Variants in KDM2B observed in about 807,000 individuals in gnomAD.
KDM2B encodes lysine-specific demethylase 2B.
A neutral mutation model predicts 150.0 loss-of-function variants in KDM2B; 26 were observed. The ratio of observed to expected loss-of-function variants is 0.17; its 90% CI spans 0.13 to 0.24. The LOEUF (loss-of-function observed/expected upper bound fraction) is 0.24. Ranked by LOEUF, KDM2B falls within the 10% of genes least tolerant of loss-of-function variation. The pLI is 1.00. For missense variants in KDM2B, 1,265 were observed against 1,816.9 expected (o/e 0.70, Z 5.52); for synonymous variants, 734 against 729.5 (o/e 1.01, Z -0.10).
chr12:121,466,153 C>A (rs1879879751), intron 12 of KDM2B, among the ~76,000 whole-genome samples: 1 of 152,070 alleles, frequency 6.6e-6, no homozygotes, highest in South Asian at 2.1e-4. Flanking sequence ...AAAAAAGTTA[C>A]CACATTTTGG....
At chr12:121,459,915 A>G (rs1458344195) in intron 12 of KDM2B, among the ~76,000 whole-genome samples, 1 of 152,204 alleles carries the variant, frequency 6.6e-6, no homozygotes, top group Non-Finnish European at 1.5e-5. Flanking sequence ...TTTGTAAATC[A>G]TGTATCTAGC....
At chr12:121,486,486 A>G (rs1385998997) in intron 12 of KDM2B, among the ~76,000 whole-genome samples, 1 of 151,402 alleles carries the variant, frequency 6.6e-6, no homozygotes, top group African/African-American at 2.4e-5. Context: ...GCATTTTACC[A>G]TAATTAATAA....
intron 19 of KDM2B, 76 bp from the exon 20 acceptor site, chr12:121,441,309 TC>T: frequency 7.2e-7 from 1 of 1,392,040 alleles, no homozygotes; most frequent in Non-Finnish European, 9.9e-7. Context: ...CTCTTAACTG[TC>T]CCCACCTAAC....
intron 12 of KDM2B, among the ~76,000 whole-genome samples, chr12:121,478,084 T>C (rs1881591679): frequency 6.6e-6 from 1 of 151,788 alleles, no homozygotes; most frequent in Non-Finnish European, 1.5e-5. Context: ...GTTCTCTCCA[T>C]GTTGCCCAGG....
intron 13 of KDM2B, among the ~76,000 whole-genome samples, chr12:121,451,127 C>T (rs541263444): frequency 6.6e-6 from 1 of 152,022 alleles, no homozygotes; most frequent in Non-Finnish European, 1.5e-5. Flanking sequence ...TCTACCTCCT[C>T]CATCTCTTCT....
Position 121,529,186 on chromosome 12 carries a change from G to A in KDM2B, c.931+3620C>T, listed in dbSNP as rs987637219. On this transcript the variant is annotated intron_variant, in intron 8 of 22. Coordinates refer to ENST00000377071, the MANE Select transcript of KDM2B (RefSeq NM_032590.5). Reference sequence around the variant, plus strand: ...AGGGATGGTTTAACATACACATGTCGATAAATGTGATACACCACGTAAACA... The same window carrying A: ...AGGGATGGTTTAACATACACATGTCAATAAATGTGATACACCACGTAAACA... Among the ~76,000 whole-genome samples the A allele has an allele frequency of 8.5e-5, 13 of 152,140 alleles. No homozygotes were observed. In the East Asian group the frequency reaches 9.6e-4, roughly 11 times the overall value.
In KDM2B at chr12:121,442,484, C is replaced by T. The variant is rs782059992; in HGVS notation, c.2957G>A (p.Arg986Gln). The part of the protein sequence containing the change: ...EPESEGEEPK[R>Q]PPGICERPHR... ...GGGACGCTCGCAGATGCCCGGGGGCCGCTTGGGCTCCTCGCCCTCGCTCTC... is the reference window on the plus strand; with the variant it reads ...GGGACGCTCGCAGATGCCCGGGGGCTGCTTGGGCTCCTCGCCCTCGCTCTC... Residue 986 changes from arginine (R) to glutamine (Q), a missense_variant, in exon 19 of 23, where the codon CGG (arginine) becomes CAG (glutamine). Coordinates refer to ENST00000377071, the MANE Select transcript of KDM2B (RefSeq NM_032590.5). This position sits in a 1 kb window ranked among gnomAD's most constrained non-coding sequence, Gnocchi z 7.7. The T allele has an allele frequency of 2.9e-5, 46 of 1,599,612 alleles. No individual in the cohort carries two copies. Among genetic ancestry groups the T allele is most frequent in the Non-Finnish European group, 3.6e-5 (42 of 1,179,816 alleles).
chr12:121,435,779 A>G (rs566295737), intron 22 of KDM2B, among the ~76,000 whole-genome samples: 47 of 152,178 alleles, frequency 3.1e-4, no homozygotes, highest in Non-Finnish European at 5.4e-4. Flanking sequence ...TCTTTCTGGC[A>G]ATCCTGACCA....
Position 121,573,595 on chromosome 12 carries a change from T to G in KDM2B, c.397+952A>C, listed in dbSNP as rs1483405359. 2.6e-5 allele frequency among the ~76,000 whole-genome samples: 4 copies of G among 151,070 alleles called. No individual in the cohort carries two copies. In the Middle Eastern group the frequency reaches 0.01, roughly 388 times the overall value. On this transcript the variant is annotated intron_variant, in intron 4 of 22. Coordinates refer to ENST00000377071, the MANE Select transcript of KDM2B (RefSeq NM_032590.5). ...CGGCCTACTGTTTACTTCTTTTTTT[T>G]TTTTTTTGAGACGGAGTCTCGCTCT...
intron 4 of KDM2B, among the ~76,000 whole-genome samples, chr12:121,561,585 C>G (rs1424367990): frequency 4.6e-5 from 7 of 152,180 alleles, no homozygotes; most frequent in African/African-American, 1.4e-4. Flanking sequence ...CCCCTACCTG[C>G]CGCTCTGGCC....
chr12:121,519,368 C>A (rs1555305511), intron 9 of KDM2B, among the ~76,000 whole-genome samples: 1 of 152,184 alleles, frequency 6.6e-6, no homozygotes, highest in South Asian at 2.1e-4. Flanking sequence ...CAACACCTCA[C>A]TGGGGCAAAA....
At chr12:121,425,176 C>T (rs542736668), downstream of KDM2B, among the ~76,000 whole-genome samples, 9 of 152,060 alleles carry the variant, frequency 5.9e-5, no homozygotes, top group East Asian at 1.5e-3. Context: ...GGCATGGTGG[C>T]GGGTCCCTGT....
chr12:121,509,415 G>T, intron 11 of KDM2B, 152 bp downstream of exon 11: 1 of 1,401,116 alleles, frequency 7.1e-7, no homozygotes, highest in Non-Finnish European at 9.4e-7. Context: ...GGCTTTTGTG[G>T]ACTGAGACCC....
chr12:121,572,719 G>A (rs1891191826), intron 4 of KDM2B, among the ~76,000 whole-genome samples: 1 of 151,784 alleles, frequency 6.6e-6, no homozygotes, highest in Non-Finnish European at 1.5e-5. Flanking sequence ...GTGAAGTGAT[G>A]CAATCATGGC....
At chr12:121,494,925 A>G (rs542168533) in intron 11 of KDM2B, among the ~76,000 whole-genome samples, 3 of 152,016 alleles carry the variant, frequency 2.0e-5, no homozygotes, top group East Asian at 3.9e-4. Context: ...ACTTCCACGT[A>G]TGTATCACCC....
rs1209767461 is a variant in KDM2B, at chr12:121,467,309, C to G, written c.1735-13965G>C. 1.0e-5 allele frequency: 10 copies of G among 982,498 alleles called. No individual in the cohort carries two copies. The African/African-American group carries it at 1.2e-4, about 12-fold the overall frequency. 60.9% of individuals were successfully genotyped at this position (982,498 alleles called of 1,614,324 possible). On this transcript the variant is annotated intron_variant, in intron 12 of 22. Transcript: ENST00000377071. The surrounding 1 kb of genome is among the most constrained non-coding windows in gnomAD (Gnocchi z 5.1). Reference sequence around the variant, plus strand: ...CAGGCTCGGCTCGCCCTGGCTCGGGCTCGGGCTCGGGCTCGGGCTCCCGCT... The same window carrying G: ...CAGGCTCGGCTCGCCCTGGCTCGGGGTCGGGCTCGGGCTCGGGCTCCCGCT...
chr12:121,580,817 G>C lies in KDM2B; in HGVS notation c.95C>G (p.Thr32Arg). 1 of 1,613,388 alleles carries C rather than the reference G, an allele frequency of 6.2e-7. No homozygotes were observed. The highest frequency in any genetic ancestry group is 2.2e-5 in the East Asian group (1 of 44,826). The change falls in exon 1 of 23, where the codon ACA (threonine) becomes AGA (arginine). Residue 32 changes from threonine to arginine, a missense_variant. Around this residue, in one of 11 missense-constraint regions of KDM2B, gnomAD observed 53 missense variants for 56.0 expected, o/e 0.95. Coordinates refer to ENST00000377071, the MANE Select transcript of KDM2B (RefSeq NM_032590.5). Reference protein sequence around the residue: ...EKQKKKTVIYTKCFEFESATQ... With the variant: ...EKQKKKTVIYRKCFEFESATQ... ...GGCCGACTCAAATTCAAAGCATTTT[G>C]TATATATAACTGTTTTCTTTTTTTG... is the stretch of plus-strand genomic sequence containing the variant.
At chr12:121,486,333 CTTTTTT>C (rs71079073) in intron 12 of KDM2B, among the ~76,000 whole-genome samples, 2 of 59,018 alleles carry the variant, frequency 3.4e-5, no homozygotes, top group Non-Finnish European at 5.8e-5. Context: ...TTTCGAACTC[CTTTTTT>C]TTTTTTTTTT....
chr12:121,570,406 G>A (rs1891010588), intron 4 of KDM2B, among the ~76,000 whole-genome samples: 1 of 152,052 alleles, frequency 6.6e-6, no homozygotes, highest in Non-Finnish European at 1.5e-5. Context: ...GGCTGGTCTT[G>A]AACTCCTGGC....
Sources: allele counts gnomAD v4.1 joint callset (sites outside exome capture counted in the v4.1 genomes callset), GRCh38; gene constraint gnomAD v4.1.1; regional missense constraint gnomAD v4.1.1; non-coding constraint Gnocchi (gnomAD v3.1); transcripts MANE v1.5; gene names NCBI Gene and HGNC (gene_info 2026-07-23, HGNC 2026-07-21).